The following PTPN14 variants were observed in gnomAD, a reference collection of about 807,000 sequenced individuals.
PTPN14 encodes protein tyrosine phosphatase non-receptor type 14, also known as tyrosine-protein phosphatase non-receptor type 14.
PTPN14 carries 53 observed loss-of-function variants against 126.8 expected under a neutral mutation model. That is an observed-to-expected ratio of 0.42 (90% confidence interval 0.34 to 0.53). The LOEUF (loss-of-function observed/expected upper bound fraction) is 0.53. Ranked by LOEUF, PTPN14 falls within the 20% of genes least tolerant of loss-of-function variation. The pLI is 0.08. For missense variants in PTPN14, 1,257 were observed against 1,552.9 expected (o/e 0.81, Z 3.20); for synonymous variants, 630 against 599.3 (o/e 1.05, Z -0.75).
At chr1:214,402,521 T>C (rs1659048069) in intron 6 of PTPN14, among the ~76,000 whole-genome samples, 1 of 150,752 alleles carries the variant, frequency 6.6e-6, no homozygotes, top group Admixed American at 6.6e-5. Flanking sequence ...TGGTGCTTCC[T>C]TGAATTAAAG....
chr1:214,387,094 C>G (rs747325434), intron 11 of PTPN14, among the ~76,000 whole-genome samples, 172 bp from the exon 12 acceptor site: 42 of 152,180 alleles, frequency 2.8e-4, no homozygotes, highest in Admixed American at 7.2e-4. Context: ...GCACTCCCAT[C>G]TCATCACTAA....
chr1:214,462,254 C>T (rs4269744), intron 2 of PTPN14, among the ~76,000 whole-genome samples: 117,520 of 152,126 alleles, frequency 0.77, 45,488 homozygotes, highest in Middle Eastern at 0.82. Context: ...CAATGCACTG[C>T]TTTATTCTTT....
intron 3 of PTPN14, among the ~76,000 whole-genome samples, chr1:214,418,849 G>A (rs1419628319): frequency 1.3e-5 from 2 of 152,212 alleles, no homozygotes; most frequent in African/African-American, 4.8e-5. Context: ...GGAAGGGAAA[G>A]AAGACTGAGT....
At chr1:214,435,367 T>C (rs1256235450) in intron 3 of PTPN14, among the ~76,000 whole-genome samples, 2 of 152,048 alleles carry the variant, frequency 1.3e-5, no homozygotes, top group Non-Finnish European at 2.9e-5. Context: ...TTAAATGAAG[T>C]TCTAATCATA....
In PTPN14 at chr1:214,484,688, G is replaced by A. The variant is rs563317107; in HGVS notation, c.-154-19731C>T. ...TTAACTTTAGAGACACAAGGTACCA[G>A]GTGTTTTGTTTTGCGAGGGAAATGG... On this transcript the variant is annotated intron_variant, in intron 1 of 18. Coordinates refer to ENST00000366956, the MANE Select transcript of PTPN14 (RefSeq NM_005401.5). Among the ~76,000 whole-genome samples the A allele has an allele frequency of 1.4e-3, 207 of 152,328 alleles. 1 individual carries two copies. Among genetic ancestry groups the A allele is most frequent in the Non-Finnish European group, 9.0e-4 (61 of 68,038 alleles).
chr1:214,400,587 C>T (rs1003058392), intron 7 of PTPN14, among the ~76,000 whole-genome samples: 1 of 152,172 alleles, frequency 6.6e-6, no homozygotes, highest in Non-Finnish European at 1.5e-5. Context: ...ACAAAACCTC[C>T]AACTTCCAGA....
At chr1:214,413,949 A>G (rs150577881) in intron 4 of PTPN14, among the ~76,000 whole-genome samples, 2,593 of 152,286 alleles carry the variant, frequency 0.017, 79 homozygotes, top group African/African-American at 0.059. Flanking sequence ...GATTACAGGC[A>G]TGAGCCACCG....
Position 214,378,091 on chromosome 1 carries a change from C to T in PTPN14, c.2556G>A (p.Lys852=), listed in dbSNP as rs1335957623. Reference sequence around the variant, plus strand: ...GTGCCTCCAGGCCTGCCATCTTCTGCTTCTCTAGATTCTTGCGGCAAGAAA... The same window carrying T: ...GTGCCTCCAGGCCTGCCATCTTCTGTTTCTCTAGATTCTTGCGGCAAGAAA... ...EREMMIRNLE[K]QKMAGLEAQK... Residue 852 remains lysine, a synonymous_variant, in exon 14 of 19, where the codon AAG becomes AAA. Transcript: ENST00000366956. 1 of 1,609,028 alleles carries T rather than the reference C, an allele frequency of 6.2e-7. No homozygotes were observed. Among genetic ancestry groups the T allele is most frequent in the Non-Finnish European group, 8.5e-7 (1 of 1,179,154 alleles).
At chr1:214,532,334 C>T (rs1449956756) in intron 1 of PTPN14, 2 of 541,984 alleles carry the variant, frequency 3.7e-6, no homozygotes, top group Non-Finnish European at 6.7e-6. Flanking sequence ...TGTCCTGCTA[C>T]ACCAGCTTCT....
At chr1:214,523,310 A>G (rs187359823) in intron 1 of PTPN14, among the ~76,000 whole-genome samples, 84 of 152,296 alleles carry the variant, frequency 5.5e-4, no homozygotes, top group African/African-American at 1.7e-3. Flanking sequence ...ACCCAGAGCA[A>G]TCTGTCATGC....
intron 15 of PTPN14, among the ~76,000 whole-genome samples, chr1:214,374,765 A>C (rs1053381011): frequency 6.6e-5 from 10 of 152,262 alleles, no homozygotes; most frequent in African/African-American, 2.4e-4. Flanking sequence ...AAGGAAGGGA[A>C]TGCTCCTCGG....
At chr1:214,372,879 C>T in intron 15 of PTPN14, 40 bp from the exon 16 acceptor site, 1 of 1,610,068 alleles carries the variant, frequency 6.2e-7, no homozygotes, top group Non-Finnish European at 8.5e-7. Flanking sequence ...AACCCCAAGT[C>T]CGGACAACAT....
At chr1:214,483,753 T>G (rs1421685194) in intron 1 of PTPN14, among the ~76,000 whole-genome samples, 4 of 152,238 alleles carry the variant, frequency 2.6e-5, no homozygotes, top group African/African-American at 9.6e-5. Flanking sequence ...TTTTAGGTAT[T>G]ATTTCTTCAC....
At chr1:214,448,435 C>T (rs1313753171) in intron 3 of PTPN14, among the ~76,000 whole-genome samples, 1 of 145,406 alleles carries the variant, frequency 6.9e-6, no homozygotes, top group East Asian at 2.0e-4. Flanking sequence ...TAGTAGAGAT[C>T]GGGTTTCACC....
Position 214,357,731 on chromosome 1 carries a change from AG to A in PTPN14, c.*190del. ...TAATAATTCACAAAAGTTATTCCAA[AG>A]GGGAAAAAAATAAATTATCTCATAT... On this transcript the variant is annotated 3_prime_UTR_variant, in exon 19 of 19. Coordinates refer to ENST00000366956, the MANE Select transcript of PTPN14 (RefSeq NM_005401.5). The A allele has an allele frequency of 2.1e-6, 1 of 465,220 alleles. No individual in the cohort carries two copies. The highest frequency in any genetic ancestry group is 3.9e-6 in the Non-Finnish European group (1 of 256,788). 28.8% of individuals were successfully genotyped at this position (465,220 alleles called of 1,614,324 possible). A position where few individuals can be genotyped will look rare whatever the true frequency, so the allele number is the denominator to read the frequency against.
chr1:214,356,958 C>G lies in PTPN14; in HGVS notation c.*964G>C, dbSNP rs891081534. The G allele has an allele frequency of 3.3e-5, 5 of 152,224 alleles. No homozygotes were observed. The highest frequency in any genetic ancestry group is 5.9e-5 in the Non-Finnish European group (4 of 68,120). The allele number at this position is 152,224 out of a possible 1,614,324, so 9.4% of individuals were successfully genotyped here. A position where few individuals can be genotyped will look rare whatever the true frequency, so the allele number is the denominator to read the frequency against. On this transcript the variant is annotated 3_prime_UTR_variant, in exon 19 of 19. Coordinates refer to ENST00000366956, the MANE Select transcript of PTPN14 (RefSeq NM_005401.5). ...AATAAAAAACAATGATCATCAAGGCCCTGCCTGAAAAACACAATCCTCAAA... is the reference window on the plus strand; with the variant it reads ...AATAAAAAACAATGATCATCAAGGCGCTGCCTGAAAAACACAATCCTCAAA...
intron 1 of PTPN14, among the ~76,000 whole-genome samples, chr1:214,480,191 T>C (rs1660954610): frequency 6.6e-6 from 1 of 152,248 alleles, no homozygotes; most frequent in Non-Finnish European, 1.5e-5. Flanking sequence ...AGTCAAAAAC[T>C]ACATATTTTT....
rs1660280101 is a variant in PTPN14 at position 214,451,914 on chromosome 1, C to T, written c.235G>A (p.Glu79Lys). Residue 79 changes from glutamate (E) to lysine (K), a missense_variant, in exon 3 of 19, where the codon GAG (glutamate) becomes AAG (lysine). This residue lies in a region of PTPN14 where 1,021 missense variants were observed against 1,183.3 expected (regional missense o/e 0.86). Transcript: ENST00000366956. ...TCCAGATGTTTCTTCAGAGGTTTCTCCAGCTCCACCCATCGTGCTTGCTGG... is the reference window on the plus strand; with the variant it reads ...TCCAGATGTTTCTTCAGAGGTTTCTTCAGCTCCACCCATCGTGCTTGCTGG... Reference protein sequence around the residue: ...KSQQARWVELEKPLKKHLDKF... With the variant: ...KSQQARWVELKKPLKKHLDKF... 6.2e-7 allele frequency: 1 copy of T among 1,614,212 alleles called. No homozygotes were observed. Among genetic ancestry groups the T allele is most frequent in the Non-Finnish European group, 8.5e-7 (1 of 1,180,040 alleles).
At chr1:214,443,477 A>G (rs2102623770) in intron 3 of PTPN14, among the ~76,000 whole-genome samples, 1 of 152,228 alleles carries the variant, frequency 6.6e-6, no homozygotes, top group South Asian at 2.1e-4. Flanking sequence ...GGTTTATTAA[A>G]TTTACTTTTT....
Sources: gnomAD v4.1 joint callset for allele counts (sites outside exome capture counted in the v4.1 genomes callset) on GRCh38, gnomAD v4.1.1 for gene constraint, gnomAD v4.1.1 regional missense constraint, MANE v1.5 for transcripts, NCBI Gene and HGNC (gene_info 2026-07-23, HGNC 2026-07-21) for gene names.